Variants in CASP4 observed in about 807,000 individuals in gnomAD.
CASP4 encodes caspase 4.
In CASP4, 29 loss-of-function variants were observed where a neutral mutation model predicts 41.3. The ratio of observed to expected loss-of-function variants is 0.70; its 90% confidence interval spans 0.52 to 0.96. The LOEUF (loss-of-function observed/expected upper bound fraction) is 0.96. Among genes scored for constraint, CASP4 ranks in the 40% least tolerant of loss-of-function variants. The pLI is 0.00. For missense variants in CASP4, 447 were observed against 460.6 expected (o/e 0.97, Z 0.27); for synonymous variants, 185 against 158.4 (o/e 1.17, Z -1.26).
intron 1 of CASP4, among the ~76,000 whole-genome samples, chr11:104,964,008 T>C (rs560796943): frequency 6.6e-6 from 1 of 152,346 alleles, no homozygotes; most frequent in African/African-American, 2.4e-5. Flanking sequence ...ATTTTCTGTC[T>C]GTCTGTGTAT....
At chr11:104,968,482 T>A (rs1186052399) in intron 1 of CASP4, 37 bp downstream of exon 1, 2 of 1,592,050 alleles carry the variant, frequency 1.3e-6, no homozygotes, top group Non-Finnish European at 1.7e-6. Context: ...GTTTTCTAAG[T>A]TCCTACTCCC....
intron 5 of CASP4, 61 bp from the exon 6 acceptor site, chr11:104,948,737 G>T (rs140182010): frequency 6.8e-7 from 1 of 1,464,130 alleles, no homozygotes. Context: ...TGTCACAGTT[G>T]CCCACCTTGT....
intron 1 of CASP4, among the ~76,000 whole-genome samples, chr11:104,959,240 A>G (rs1453111717): frequency 3.9e-5 from 6 of 152,198 alleles, no homozygotes; most frequent in Non-Finnish European, 7.3e-5. Flanking sequence ...ACAAAATGCA[A>G]CACTATTCAG....
At chr11:104,959,060 A>G (rs1366621608) in intron 1 of CASP4, among the ~76,000 whole-genome samples, 2 of 151,918 alleles carry the variant, frequency 1.3e-5, no homozygotes, top group African/African-American at 4.8e-5. Flanking sequence ...AGCTAAAGAT[A>G]TGATCAAGCA....
At chr11:104,962,297 T>C (rs1158947738) in intron 1 of CASP4, among the ~76,000 whole-genome samples, 1 of 152,156 alleles carries the variant, frequency 6.6e-6, no homozygotes, top group African/African-American at 2.4e-5. Flanking sequence ...CAGCAAAAAG[T>C]GTAAGAAATT....
chr11:104,960,815 C>CT (rs1272174180), intron 1 of CASP4, among the ~76,000 whole-genome samples: 1 of 152,042 alleles, frequency 6.6e-6, no homozygotes, highest in African/African-American at 2.4e-5. Flanking sequence ...TCCCAGCCTA[C>CT]TTATCTCTAT....
chr11:104,947,222 G>T, intron 6 of CASP4, 30 bp from the exon 7 acceptor site: 1 of 1,295,044 alleles, frequency 7.7e-7, no homozygotes, highest in Non-Finnish European at 1.1e-6. Flanking sequence ...TATGCCTTGG[G>T]CTATGACTTT....
At chr11:104,944,620 CCA>C (rs1860408101) in intron 8 of CASP4, 126 bp downstream of exon 8, 3 of 620,050 alleles carry the variant, frequency 4.8e-6, no homozygotes, top group East Asian at 5.6e-5. Flanking sequence ...CAGATAATCA[CCA>C]GACTATATCA....
intron 6 of CASP4, chr11:104,947,432 A>T (rs933772584): frequency 3.6e-6 from 1 of 278,964 alleles, no homozygotes; most frequent in African/African-American, 2.2e-5. Flanking sequence ...TGTATTGAAG[A>T]AATTTTGATT....
intron 6 of CASP4, 31 bp from the exon 7 acceptor site, chr11:104,947,223 C>G (rs762315530): frequency 2.8e-5 from 36 of 1,274,410 alleles, no homozygotes; most frequent in Non-Finnish European, 3.7e-5. Flanking sequence ...ATGCCTTGGG[C>G]TATGACTTTC....
At chr11:104,966,821 C>T (rs142999536) in intron 1 of CASP4, among the ~76,000 whole-genome samples, 1 of 152,312 alleles carries the variant, frequency 6.6e-6, no homozygotes, top group East Asian at 1.9e-4. Context: ...CTCCTCTCAA[C>T]AGACTTTTGA....
chr11:104,949,434 T>G, intron 5 of CASP4, 109 bp downstream of exon 5: 1 of 1,172,464 alleles, frequency 8.5e-7, no homozygotes, highest in Non-Finnish European at 1.3e-6. Flanking sequence ...TCAATGTACT[T>G]TATTTACACT....
chr11:104,949,616 C>G lies in CASP4; in HGVS notation c.708G>C (p.Gln236His), dbSNP rs766388990. 3.1e-6 allele frequency: 5 copies of G among 1,613,812 alleles called. No homozygotes were observed. In the African/African-American group the frequency reaches 5.3e-5, roughly 17 times the overall value. Residue 236 changes from glutamine (Q) to histidine (H), a missense_variant, in exon 5 of 9, where the codon CAG (glutamine) becomes CAC (histidine). Gln to His is a conservative substitution (Grantham distance 24). Transcript: ENST00000444739. ...PDVLLYDTIF[Q>H]IFNNRNCLSL... ...TGAGGCAGTTGCGGTTGTTGAATAT[C>G]TGGAAGATGGTGTCATAAAGCAGCA...
intron 1 of CASP4, chr11:104,956,625 G>T: frequency 1.0e-6 from 1 of 983,670 alleles, no homozygotes; most frequent in Non-Finnish European, 1.2e-6. Context: ...CTTCTTAAAA[G>T]AATGTAGACA....
intron 4 of CASP4, among the ~76,000 whole-genome samples, chr11:104,950,492 T>C (rs1397970527): frequency 6.6e-6 from 1 of 152,180 alleles, no homozygotes; most frequent in East Asian, 1.9e-4. Flanking sequence ...CTCTCTACTG[T>C]AACCTAGATG....
chr11:104,944,826 C>T lies in CASP4; in HGVS notation c.1061G>A (p.Arg354Lys), dbSNP rs761700231. The change falls in exon 8 of 9, where the codon AGG becomes AAG. Residue 354 changes from arginine (R) to lysine (K), a missense_variant. Transcript: ENST00000444739. ...TATGGTGGGCATTTGAGCTTTGGCCCTTGGAGTTTCAAATGATTGCTGTAC... is the reference window on the plus strand; with the variant it reads ...TATGGTGGGCATTTGAGCTTTGGCCTTTGGAGTTTCAAATGATTGCTGTAC... The part of the protein sequence containing the change: ...RKVQQSFETP[R>K]AKAQMPTIER... 42 of 1,613,076 alleles carry T rather than the reference C, an allele frequency of 2.6e-5. No individual in the cohort carries two copies. The South Asian group carries it at 4.5e-4, about 17-fold the overall frequency.
rs1860371029 is a variant in CASP4 at position 104,943,370 on chromosome 11, C to A, written c.*6-397G>T. On this transcript the variant is annotated intron_variant, in intron 8 of 8. Coordinates refer to ENST00000444739, the MANE Select transcript of CASP4 (RefSeq NM_001225.4). ...TGTTTAGTGCATTGCTATCCCAGGG[C>A]ATTTGCACTGGCTGTATTCTGTGCT... 2.1e-5 allele frequency: 4 copies of A among 194,918 alleles called. No homozygotes were observed. In the South Asian group the frequency reaches 3.8e-4, roughly 18 times the overall value. The allele number at this position is 194,918 out of a possible 1,614,324, so 12.1% of individuals were successfully genotyped here.
At chr11:104,955,381 C>T (rs1860714874) in intron 1 of CASP4, among the ~76,000 whole-genome samples, 1 of 151,906 alleles carries the variant, frequency 6.6e-6, no homozygotes, top group Non-Finnish European at 1.5e-5. Context: ...AGTCAATGCT[C>T]TTGTCTAGAA....
intron 2 of CASP4, among the ~76,000 whole-genome samples, chr11:104,954,539 A>T (rs187082297): frequency 6.6e-6 from 1 of 152,280 alleles, no homozygotes; most frequent in Admixed American, 6.5e-5. Context: ...ACACAGTCTG[A>T]ACACAAGGAC....
Sources: gnomAD v4.1 joint callset for allele counts (sites outside exome capture counted in the v4.1 genomes callset) on GRCh38, gnomAD v4.1.1 for gene constraint, MANE v1.5 for transcripts, NCBI Gene and HGNC (gene_info 2026-07-23, HGNC 2026-07-21) for gene names.